PTPRT: variants seen among roughly 807,000 people sequenced by gnomAD.
The protein encoded by PTPRT is receptor-type tyrosine-protein phosphatase T.
PTPRT carries 56 observed loss-of-function variants against 176.8 expected under a neutral mutation model. That is an observed-to-expected ratio of 0.32 (90% CI 0.26 to 0.40). PTPRT has a LOEUF of 0.40. Ranked by LOEUF, PTPRT falls within the 10% of genes least tolerant of loss-of-function variation. The probability of loss-of-function intolerance (pLI) is 1.00; values close to 1 mark genes in which losing one functional copy is unlikely to be tolerated. For missense variants in PTPRT, 1,540 were observed against 1,908.2 expected, an observed-to-expected ratio of 0.81 and a Z score of 3.60; for synonymous variants, 783 against 739.0, an observed-to-expected ratio of 1.06 and a Z score of -0.96.
intron 20 of PTPRT, among the ~76,000 whole-genome samples, chr20:42,119,579 T>C (rs1301332704): frequency 1.3e-5 from 2 of 152,204 alleles, no homozygotes; most frequent in Non-Finnish European, 2.9e-5. Flanking sequence ...TAAGGCACCA[T>C]CAGCTCCGGC....
At chr20:42,731,000 A>T (rs185479104) in intron 6 of PTPRT, among the ~76,000 whole-genome samples, 118 of 152,166 alleles carry the variant, frequency 7.8e-4, no homozygotes, top group Non-Finnish European at 1.5e-3. Flanking sequence ...TCTGTCTCAG[A>T]TTTTGTTTCT....
At chr20:43,167,242 A>C (rs2014880725) in intron 1 of PTPRT, among the ~76,000 whole-genome samples, 1 of 152,240 alleles carries the variant, frequency 6.6e-6, no homozygotes, top group Admixed American at 6.5e-5. Context: ...TTAGACATAC[A>C]GCAACAAAGA....
chr20:42,961,497 G>C (rs1208465647), intron 1 of PTPRT, among the ~76,000 whole-genome samples: 1 of 152,216 alleles, frequency 6.6e-6, no homozygotes, highest in Admixed American at 6.5e-5. Flanking sequence ...AGTAGAATGA[G>C]TGTCCTCGAA....
intron 9 of PTPRT, among the ~76,000 whole-genome samples, chr20:42,417,568 TA>T (rs1214104174): frequency 6.7e-6 from 1 of 150,188 alleles, no homozygotes; most frequent in Non-Finnish European, 1.5e-5. Flanking sequence ...AGGGAGAAAA[TA>T]AAAGGAAAAT....
chr20:42,389,776 G>A (rs2058781801), intron 9 of PTPRT, among the ~76,000 whole-genome samples: 1 of 150,704 alleles, frequency 6.6e-6, no homozygotes, highest in African/African-American at 2.4e-5. Context: ...GATTGCTTGA[G>A]CCCAGGATGC....
chr20:42,366,672 C>T (rs898209075), intron 9 of PTPRT, among the ~76,000 whole-genome samples: 2 of 152,262 alleles, frequency 1.3e-5, no homozygotes, highest in African/African-American at 4.8e-5. Context: ...ACCTGTGATT[C>T]TGCCAGTGGG....
At chr20:42,942,456 C>T (rs1283999314) in intron 1 of PTPRT, among the ~76,000 whole-genome samples, 1 of 152,218 alleles carries the variant, frequency 6.6e-6, no homozygotes, top group African/African-American at 2.4e-5. Flanking sequence ...CTGGGTACCC[C>T]ACCACGTGTT....
At chr20:42,491,458 A>G (rs913916048) in intron 7 of PTPRT, among the ~76,000 whole-genome samples, 3 of 152,164 alleles carry the variant, frequency 2.0e-5, no homozygotes, top group Non-Finnish European at 4.4e-5. Context: ...GTTGACTGTA[A>G]TTGCAACCAA....
At chr20:42,899,056 C>T (rs1022787389) in intron 1 of PTPRT, among the ~76,000 whole-genome samples, 1 of 152,084 alleles carries the variant, frequency 6.6e-6, no homozygotes, top group Non-Finnish European at 1.5e-5. Flanking sequence ...AGAGAAGGGA[C>T]GGTCTGGCCC....
intron 11 of PTPRT, among the ~76,000 whole-genome samples, chr20:42,342,420 T>C (rs2058125790): frequency 6.6e-6 from 1 of 152,210 alleles, no homozygotes; most frequent in Non-Finnish European, 1.5e-5. Flanking sequence ...CTCTTATCCA[T>C]GTCCCCCTAA....
chr20:42,942,254 G>A (rs1049902900), intron 1 of PTPRT, among the ~76,000 whole-genome samples: 2 of 152,172 alleles, frequency 1.3e-5, no homozygotes, highest in African/African-American at 4.8e-5. Flanking sequence ...TGGCTGGCTG[G>A]GTCAAGAGGA....
At chr20:42,369,807 G>A (rs772930385) in intron 9 of PTPRT, among the ~76,000 whole-genome samples, 12 of 152,216 alleles carry the variant, frequency 7.9e-5, no homozygotes, top group Non-Finnish European at 1.6e-4. Flanking sequence ...TGTCCATGAT[G>A]CCAAATCATT....
chr20:42,188,315 A>G (rs998620421), intron 16 of PTPRT, among the ~76,000 whole-genome samples: 1 of 152,160 alleles, frequency 6.6e-6, no homozygotes, highest in East Asian at 1.9e-4. Flanking sequence ...CTGGGGAGGA[A>G]GGCAAAACAC....
At chr20:42,691,357 CAGA>C (rs1242003898) in intron 6 of PTPRT, among the ~76,000 whole-genome samples, 2 of 152,230 alleles carry the variant, frequency 1.3e-5, no homozygotes, top group South Asian at 2.1e-4. Flanking sequence ...AAGGCTTACG[CAGA>C]AGGTGTCTGT....
At chr20:42,228,732 T>C (rs148503869) in intron 15 of PTPRT, among the ~76,000 whole-genome samples, 7 of 152,334 alleles carry the variant, frequency 4.6e-5, no homozygotes, top group African/African-American at 1.4e-4. Flanking sequence ...TAACCACTCA[T>C]GTATCTTTGT....
intron 18 of PTPRT, among the ~76,000 whole-genome samples, chr20:42,136,113 C>T (rs947667678): frequency 6.6e-6 from 1 of 152,106 alleles, no homozygotes; most frequent in Non-Finnish European, 1.5e-5. Context: ...TCATCTCAAC[C>T]CACATCCACT....
At position 42,899,450 on chromosome 20, in the gene PTPRT, G is replaced by A. The variant is rs532969435; in HGVS notation, c.89-13518C>T. ...CCATGGAACACTCTTGCCCTAGCAC[G>A]TGATGTGGCTGTCTCTGGGCATCTT... is the stretch of plus-strand genomic sequence containing the variant. On this transcript the variant is annotated intron_variant, in intron 1 of 30. Coordinates refer to ENST00000373187, the MANE Select transcript of PTPRT (RefSeq NM_007050.6). Among the ~76,000 whole-genome samples, 4 of 152,334 alleles carry A rather than the reference G, an allele frequency of 2.6e-5. No homozygotes were observed. In the South Asian group the frequency reaches 6.2e-4, roughly 24 times the overall value.
intron 1 of PTPRT, among the ~76,000 whole-genome samples, chr20:43,075,341 C>T (rs1003264061): frequency 6.6e-6 from 1 of 152,276 alleles, no homozygotes; most frequent in Admixed American, 6.5e-5. Flanking sequence ...AGAGTCCTCT[C>T]CTGCGGAGAT....
In PTPRT at chr20:42,143,357, C is replaced by T. The variant is rs185682628; in HGVS notation, c.2683-1355G>A. Among the ~76,000 whole-genome samples the T allele has an allele frequency of 8.8e-4, 134 of 152,048 alleles. 2 individuals are homozygous for T. The highest frequency in any genetic ancestry group is 3.2e-4 in the Non-Finnish European group (22 of 67,978). ...GATCACGAGGTCAGGAGATCAAGAC[C>T]ATCCTGGCTTAACACGGTGAAACCC... On this transcript the variant is annotated intron_variant, in intron 17 of 30. Coordinates refer to ENST00000373187, the MANE Select transcript of PTPRT (RefSeq NM_007050.6).
Sources: gnomAD v4.1 joint callset for allele counts (sites outside exome capture counted in the v4.1 genomes callset) on GRCh38, gnomAD v4.1.1 for gene constraint, MANE v1.5 for transcripts, NCBI Gene and HGNC (gene_info 2026-07-23, HGNC 2026-07-21) for gene names.